Variants in ANKLE2 observed in about 807,000 individuals in gnomAD.
ANKLE2 encodes the protein ankyrin repeat and LEM domain-containing protein 2.
In ANKLE2, 55 loss-of-function variants were observed where a neutral mutation model predicts 84.2. The observed-to-expected ratio is 0.65, with a 90% CI of 0.53 to 0.82. The LOEUF is 0.82. ANKLE2 is among the 40% of genes least tolerant of loss of function. The probability of loss-of-function intolerance (pLI) is 0.00; values close to 1 mark genes in which losing one functional copy is unlikely to be tolerated. For missense variants in ANKLE2, 1,238 were observed against 1,201.9 expected (o/e 1.03, Z -0.44); for synonymous variants, 551 against 486.1 (o/e 1.13, Z -1.76).
intron 1 of ANKLE2, chr12:132,758,285 C>T (rs2044527199): frequency 6.6e-6 from 1 of 152,144 alleles, no homozygotes; most frequent in African/African-American, 2.4e-5. Flanking sequence ...TGGCATGCAC[C>T]TGTCATCCCA....
intron 6 of ANKLE2, chr12:132,741,906 A>G (rs2044131908): frequency 8.9e-6 from 4 of 451,512 alleles, no homozygotes; most frequent in African/African-American, 6.0e-5. Flanking sequence ...GTAACACGGA[A>G]CATCAAAGTT....
rs577300095 is a variant in ANKLE2 at position 132,735,101 on chromosome 12, T to C, written c.1700+305A>G. Reference sequence around the variant, plus strand: ...GGCCTATTTTTTCCCAAGGAATCCATAGCATTATATGGTACCTTCTATAAA... The same window carrying C: ...GGCCTATTTTTTCCCAAGGAATCCACAGCATTATATGGTACCTTCTATAAA... On this transcript the variant is annotated intron_variant, in intron 9 of 12. Coordinates refer to ENST00000357997, the MANE Select transcript of ANKLE2 (RefSeq NM_015114.3). The C allele has an allele frequency of 6.2e-5, 23 of 371,892 alleles. 1 individual carries two copies. In the South Asian group the frequency reaches 7.7e-4, roughly 13 times the overall value. The allele number at this position is 371,892 out of a possible 1,614,324, so 23.0% of individuals were successfully genotyped here.
chr12:132,748,247 G>A lies in ANKLE2; in HGVS notation c.932C>T (p.Ala311Val). The change falls in exon 4 of 13, where the codon GCC becomes GTC. Residue 311 changes from alanine to valine, a missense_variant. Around this residue, in one of 3 missense-constraint regions of ANKLE2, gnomAD observed 422 missense variants for 394.5 expected, o/e 1.07. Coordinates refer to ENST00000357997, the MANE Select transcript of ANKLE2 (RefSeq NM_015114.3). ...YKNPRTQDLTAKLRKAVEKGE... is the reference protein window; with the variant it reads ...YKNPRTQDLTVKLRKAVEKGE... Reference sequence around the variant, plus strand: ...CTTCTCCACAGCTTTCCGAAGCTTGGCGGTGAGGTCCTGCGTGCGGGGATT... The same window carrying A: ...CTTCTCCACAGCTTTCCGAAGCTTGACGGTGAGGTCCTGCGTGCGGGGATT... 6.2e-7 allele frequency: 1 copy of A among 1,614,188 alleles called. No individual in the cohort carries two copies. The highest frequency in any genetic ancestry group is 1.1e-5 in the South Asian group (1 of 91,078).
intron 2 of ANKLE2, chr12:132,751,459 T>C: frequency 6.6e-6 from 1 of 152,430 alleles, no homozygotes; most frequent in Non-Finnish European, 1.5e-5. Context: ...CAGGCTGGTC[T>C]CAAACTCCTG....
Position 132,726,019 on chromosome 12 carries a change from C to A in ANKLE2, c.*1223G>T, listed in dbSNP as rs552578456. 2.0e-5 allele frequency: 3 copies of A among 152,146 alleles called. No individual in the cohort carries two copies. Among genetic ancestry groups the A allele is most frequent in the Non-Finnish European group, 2.9e-5 (2 of 68,012 alleles). 9.4% of individuals were successfully genotyped at this position (152,146 alleles called of 1,614,324 possible). ...ATTTTTACAAACAAAAACAATCCTG[C>A]GTCTACTTAATATCCCTGTATATCC... On this transcript the variant is annotated 3_prime_UTR_variant, in exon 13 of 13. Transcript: ENST00000357997.
At chr12:132,750,968 T>A in intron 2 of ANKLE2, 119 bp from the exon 3 acceptor site, 1 of 861,308 alleles carries the variant, frequency 1.2e-6, no homozygotes, top group Non-Finnish European at 1.8e-6. Flanking sequence ...CTGGCTTAGT[T>A]CAGATCTTTA....
intron 1 of ANKLE2, chr12:132,761,396 C>A: frequency 2.8e-6 from 1 of 355,526 alleles, no homozygotes; most frequent in Non-Finnish European, 4.9e-6. Flanking sequence ...CTCTCACCCC[C>A]GAACCCGGCG....
At chr12:132,755,910 T>C (rs2136181669) in intron 1 of ANKLE2, 1 of 152,210 alleles carries the variant, frequency 6.6e-6, no homozygotes, top group East Asian at 2.0e-4. Flanking sequence ...AGTGGTGCGA[T>C]CTCAGCTCAC....
At chr12:132,753,503 C>T (rs933363918) in intron 2 of ANKLE2, among the ~76,000 whole-genome samples, 6 of 152,110 alleles carry the variant, frequency 3.9e-5, no homozygotes, top group African/African-American at 7.2e-5. Context: ...TGATGGCTCA[C>T]ACCTGTAATC....
chr12:132,727,541 C>A, intron 12 of ANKLE2, 98 bp from the exon 13 acceptor site: 2 of 1,375,336 alleles, frequency 1.5e-6, no homozygotes, highest in Non-Finnish European at 2.0e-6. Flanking sequence ...GGCACATGCG[C>A]CCGGGCGGAG....
intron 12 of ANKLE2, among the ~76,000 whole-genome samples, chr12:132,727,709 A>G (rs1215627473): frequency 6.6e-6 from 1 of 151,814 alleles, no homozygotes; most frequent in African/African-American, 2.4e-5. Flanking sequence ...GAGGAGAGGC[A>G]CTGCTGAACC....
chr12:132,736,916 C>G lies in ANKLE2; in HGVS notation c.1570G>C (p.Ala524Pro). The G allele has an allele frequency of 6.2e-7, 1 of 1,609,930 alleles. No homozygotes were observed. The highest frequency in any genetic ancestry group is 8.5e-7 in the Non-Finnish European group (1 of 1,177,124). The change falls in exon 8 of 13, where the codon GCA (alanine) becomes CCA (proline). Residue 524 changes from alanine to proline, a missense_variant. Ala to Pro is a conservative substitution (Grantham distance 27). Around this residue, in one of 3 missense-constraint regions of ANKLE2, gnomAD observed 802 missense variants for 774.5 expected, o/e 1.04. Coordinates refer to ENST00000357997, the MANE Select transcript of ANKLE2 (RefSeq NM_015114.3). ...ACCTTGGCTGGACTCAGGGGCCCTG[C>G]GAAGGCTCTCAGGGTCAGTACCGGG... Reference protein sequence around the residue: ...RDPVLTLRAFAGPLSPAKAED... With the variant: ...RDPVLTLRAFPGPLSPAKAED...
At chr12:132,753,436 G>C (rs2044403800) in intron 2 of ANKLE2, among the ~76,000 whole-genome samples, 1 of 151,908 alleles carries the variant, frequency 6.6e-6, no homozygotes, top group Non-Finnish European at 1.5e-5. Flanking sequence ...TTCGAGAGAA[G>C]CGTGGGCAAC....
chr12:132,754,597 T>A, intron 2 of ANKLE2, 78 bp downstream of exon 2: 1 of 1,410,028 alleles, frequency 7.1e-7, no homozygotes, highest in Non-Finnish European at 9.6e-7. Flanking sequence ...AATCTGTAGT[T>A]TTCCATTTTC....
Position 132,727,430 on chromosome 12 carries a change from C to T in ANKLE2, c.2629G>A (p.Ala877Thr), listed in dbSNP as rs770291492. 4.5e-6 allele frequency: 7 copies of T among 1,555,986 alleles called. No individual in the cohort carries two copies. Among genetic ancestry groups the T allele is most frequent in the Admixed American group, 3.9e-5 (2 of 51,506 alleles). Residue 877 changes from alanine to threonine, a missense_variant, in exon 13 of 13, where the codon GCG becomes ACG. Ala to Thr is a moderately conservative substitution (Grantham distance 58). Around this residue, in one of 3 missense-constraint regions of ANKLE2, gnomAD observed 802 missense variants for 774.5 expected, o/e 1.04. Coordinates refer to ENST00000357997, the MANE Select transcript of ANKLE2 (RefSeq NM_015114.3). Reference sequence around the variant, plus strand: ...TGAGACTTGAACCTTCCTTTCACCGCGGGACTGGGCCAACTGCGGAAAGCA... The same window carrying T: ...TGAGACTTGAACCTTCCTTTCACCGTGGGACTGGGCCAACTGCGGAAAGCA... ...PSDRQSWPSP[A>T]VKGRFKSQLP... is the part of the protein sequence containing the mutation.
intron 1 of ANKLE2, 34 bp downstream of exon 1, chr12:132,761,583 AG>A (rs2044626680): frequency 1.7e-6 from 2 of 1,207,624 alleles, no homozygotes; most frequent in Non-Finnish European, 2.1e-6. Flanking sequence ...GGAAGGGGCC[AG>A]GGTGCGGGGA....
In ANKLE2 at chr12:132,743,035, A is replaced by T. The variant is rs1438433904; in HGVS notation, c.1353+119T>A. On this transcript the variant is annotated intron_variant, in intron 6 of 12. Coordinates refer to ENST00000357997, the MANE Select transcript of ANKLE2 (RefSeq NM_015114.3). This position sits in a 1 kb window ranked among gnomAD's most constrained non-coding sequence, Gnocchi z 4.1. ...CCAAGGTTCTAACATGTGCCCATAA[A>T]GCAAACACAACTCATACAGAGCTCC... The T allele has an allele frequency of 2.1e-6, 2 of 930,858 alleles. No individual in the cohort carries two copies. Among genetic ancestry groups the T allele is most frequent in the African/African-American group, 1.7e-5 (1 of 58,288 alleles). The allele number at this position is 930,858 out of a possible 1,614,324, so 57.7% of individuals were successfully genotyped here.
chr12:132,736,897 G>A lies in ANKLE2; in HGVS notation c.1589C>T (p.Ala530Val). The change falls in exon 8 of 13, where the codon GCC (alanine) becomes GTC (valine). Residue 530 changes from alanine to valine, a missense_variant. Transcript: ENST00000357997. The stretch of plus-strand genomic sequence containing the variant: ...GAAGCTTCTACAGCAGCTCACCTTG[G>A]CTGGACTCAGGGGCCCTGCGAAGGC... ...LRAFAGPLSP[A>V]KAEDFRKLWK... The A allele has an allele frequency of 2.5e-6, 4 of 1,603,162 alleles. No individual in the cohort carries two copies. Among genetic ancestry groups the A allele is most frequent in the Non-Finnish European group, 3.4e-6 (4 of 1,172,224 alleles).
At chr12:132,760,152 AAGTGGTAGGGCC>A (rs2044595890) in intron 1 of ANKLE2, 1 of 150,248 alleles carries the variant, frequency 6.7e-6, no homozygotes, top group Non-Finnish European at 1.5e-5. Flanking sequence ...AAAAAAAAAA[AAGTGGTAGGGCC>A]GAGACACAAA....
Sources: gnomAD v4.1 joint callset for allele counts (sites outside exome capture counted in the v4.1 genomes callset) on GRCh38, gnomAD v4.1.1 for gene constraint, gnomAD v4.1.1 regional missense constraint, Gnocchi (gnomAD v3.1) non-coding constraint, MANE v1.5 for transcripts, NCBI Gene and HGNC (gene_info 2026-07-23, HGNC 2026-07-21) for gene names.